The following IL16 variants were observed in gnomAD, a reference collection of about 807,000 sequenced individuals.
IL16 encodes interleukin 16.
In IL16, 67 loss-of-function variants were observed where a neutral mutation model predicts 110.1. The ratio of observed to expected loss-of-function variants is 0.61; its 90% CI spans 0.50 to 0.75. The LOEUF is 0.75. IL16 is among the 30% of genes least tolerant of loss of function. The probability of loss-of-function intolerance (pLI) is 0.00; values close to 1 mark genes in which losing one functional copy is unlikely to be tolerated. For missense variants in IL16, 1,545 were observed against 1,655.0 expected (o/e 0.93, Z 1.15); for synonymous variants, 689 against 662.9 (o/e 1.04, Z -0.61).
In IL16 at chr15:81,311,930, C is replaced by A. The variant is rs1329085887; in HGVS notation, c.*3132C>A. 1.3e-5 allele frequency: 2 copies of A among 152,184 alleles called. No individual in the cohort carries two copies. The highest frequency in any genetic ancestry group is 3.8e-4 in the East Asian group (2 of 5,196). 9.4% of individuals were successfully genotyped at this position (152,184 alleles called of 1,614,324 possible). ...GCTGTCATGTTTTAAAGCTTGCTCA[C>A]ATCTTGGCACATTTAAGAGACAGTC... is the stretch of plus-strand genomic sequence containing the variant. On this transcript the variant is annotated 3_prime_UTR_variant, in exon 19 of 19. Transcript: ENST00000683961.
At chr15:81,249,626 G>A (rs1220469535) in intron 2 of IL16, among the ~76,000 whole-genome samples, 1 of 151,942 alleles carries the variant, frequency 6.6e-6, no homozygotes, top group East Asian at 1.9e-4. Context: ...TCTTCTATAT[G>A]TTTTAGTGTT....
intron 1 of IL16, among the ~76,000 whole-genome samples, chr15:81,185,466 C>T (rs1410601748): frequency 1.3e-5 from 2 of 151,624 alleles, no homozygotes; most frequent in Non-Finnish European, 2.9e-5. Context: ...AGTAGTTCTC[C>T]CACCTCACCC....
intron 1 of IL16, among the ~76,000 whole-genome samples, chr15:81,212,750 G>A (rs1422122076): frequency 6.6e-6 from 1 of 152,136 alleles, no homozygotes; most frequent in East Asian, 1.9e-4. Context: ...AGGATTACAG[G>A]CATGAGCCAC....
chr15:81,263,358 T>TG (rs950091870), intron 3 of IL16, among the ~76,000 whole-genome samples: 2 of 145,774 alleles, frequency 1.4e-5, no homozygotes, highest in African/African-American at 5.4e-5. Context: ...TTTTTTTTGT[T>TG]TTTTTTTTTT....
rs565192328 is a variant in IL16, at chr15:81,225,435, A to T, written c.36A>T (p.Lys12Asn). The T allele has an allele frequency of 3.4e-5, 55 of 1,614,166 alleles. No homozygotes were observed. In the African/African-American group the frequency reaches 6.7e-4, roughly 20 times the overall value. Residue 12 changes from lysine (K) to asparagine (N), a missense_variant, in exon 2 of 19, where the codon AAA (lysine) becomes AAT (asparagine). This residue lies in a region of IL16 where 1,185 missense variants were observed against 1,238.8 expected (regional missense o/e 0.96). Transcript: ENST00000683961. ...ESHSRAGKSRKSAKFRSISRS... is the reference protein window; with the variant it reads ...ESHSRAGKSRNSAKFRSISRS... ...ACAGCCGCGCTGGAAAGAGCAGAAA[A>T]TCTGCAAAATTTCGGTCCATCTCCA...
Position 81,310,448 on chromosome 15 carries a change from T to C in IL16, c.*1650T>C, listed in dbSNP as rs890775863. On this transcript the variant is annotated 3_prime_UTR_variant, in exon 19 of 19. Transcript: ENST00000683961. ...GTTTCTGTCCTGCTGGTTAACTTGTTTGGCCTATTCCATTCTGGATTTTGT... is the reference window on the plus strand; with the variant it reads ...GTTTCTGTCCTGCTGGTTAACTTGTCTGGCCTATTCCATTCTGGATTTTGT... 1 of 152,206 alleles carries C rather than the reference T, an allele frequency of 6.6e-6. No homozygotes were observed. The highest frequency in any genetic ancestry group is 2.4e-5 in the African/African-American group (1 of 41,438). The allele number at this position is 152,206 out of a possible 1,614,324, so 9.4% of individuals were successfully genotyped here.
chr15:81,195,826 G>A (rs1207356320), upstream of IL16, among the ~76,000 whole-genome samples: 2 of 152,204 alleles, frequency 1.3e-5, no homozygotes, highest in Admixed American at 6.5e-5. Flanking sequence ...GATGCTCTTT[G>A]CGGGGCAGAT....
At chr15:81,305,817 T>C in intron 16 of IL16, 91 bp from the exon 17 acceptor site, 2 of 1,480,858 alleles carry the variant, frequency 1.4e-6, no homozygotes, top group Non-Finnish European at 1.8e-6. Flanking sequence ...AAAAATCCTC[T>C]AGCATTGACT....
At chr15:81,233,840 A>G (rs907411360) in intron 2 of IL16, among the ~76,000 whole-genome samples, 1 of 151,976 alleles carries the variant, frequency 6.6e-6, no homozygotes, top group African/African-American at 2.4e-5. Flanking sequence ...AACTTTATCA[A>G]TTCCAGCTCT....
At chr15:81,300,958 G>T (rs572824428) in intron 14 of IL16, among the ~76,000 whole-genome samples, 2 of 152,328 alleles carry the variant, frequency 1.3e-5, no homozygotes, top group Non-Finnish European at 2.9e-5. Flanking sequence ...CCTAGTCTCA[G>T]CTTAGGCACT....
At chr15:81,228,346 A>C (rs1443526679) in intron 2 of IL16, among the ~76,000 whole-genome samples, 1 of 141,054 alleles carries the variant, frequency 7.1e-6, no homozygotes, top group Non-Finnish European at 1.5e-5. Context: ...TTTGAGACGG[A>C]GTCTCGCTCT....
At chr15:81,247,536 T>C (rs1897608319) in intron 2 of IL16, among the ~76,000 whole-genome samples, 1 of 152,218 alleles carries the variant, frequency 6.6e-6, no homozygotes, top group Admixed American at 6.5e-5. Flanking sequence ...CACAAGAAGT[T>C]GCAAAGATAG....
chr15:81,260,422 T>C (rs1898109116), intron 3 of IL16, among the ~76,000 whole-genome samples: 1 of 152,220 alleles, frequency 6.6e-6, no homozygotes, highest in Non-Finnish European at 1.5e-5. Flanking sequence ...TATATATAAC[T>C]ATTTCAGGTC....
At chr15:81,270,574 A>G (rs1009600726) in intron 5 of IL16, among the ~76,000 whole-genome samples, 4 of 152,188 alleles carry the variant, frequency 2.6e-5, no homozygotes, top group Non-Finnish European at 5.9e-5. Flanking sequence ...ATCACAAGGG[A>G]GTAACTGTCT....
upstream of IL16, among the ~76,000 whole-genome samples, chr15:81,194,968 T>A (rs905751860): frequency 6.6e-6 from 1 of 152,032 alleles, no homozygotes; most frequent in Non-Finnish European, 1.5e-5. Flanking sequence ...TTCCTCCCCG[T>A]CTCTTCTGGC....
chr15:81,198,881 G>T (rs909787584), intron 1 of IL16, among the ~76,000 whole-genome samples: 6 of 150,276 alleles, frequency 4.0e-5, no homozygotes, highest in African/African-American at 1.5e-4. Context: ...TTAGCCAGGC[G>T]TGGAGGCACA....
intron 9 of IL16, 38 bp downstream of exon 9, chr15:81,282,794 T>G: frequency 7.4e-7 from 1 of 1,359,920 alleles, no homozygotes; most frequent in South Asian, 1.2e-5. Context: ...TACCCCCGAC[T>G]TACAACCAGG....
rs139561765 is a variant in IL16 at position 81,300,148 on chromosome 15, T to G, written c.2822T>G (p.Leu941Arg). The G allele has an allele frequency of 4.4e-5, 71 of 1,613,246 alleles. No homozygotes were observed. The African/African-American group carries it at 8.8e-4, about 20-fold the overall frequency. The change falls in exon 14 of 19, where the codon CTC becomes CGC. Residue 941 changes from leucine (L) to arginine (R), a missense_variant. Physicochemically the swap from Leu to Arg is moderately radical, Grantham distance 102. Transcript: ENST00000683961. ...ACTCTCCCCCCTGGCCCGGACCCGC[T>G]CCTAAGGCTGCTGTCAACACAGGCT... ...QKTLPPGPDP[L>R]LRLLSTQAEE...
upstream of IL16, among the ~76,000 whole-genome samples, chr15:81,193,696 C>T (rs1895534430): frequency 6.6e-6 from 1 of 152,056 alleles, no homozygotes; most frequent in East Asian, 1.9e-4. Flanking sequence ...AGCCGGGGAG[C>T]GGGAATCAAG....
Sources: allele counts gnomAD v4.1 joint callset (sites outside exome capture counted in the v4.1 genomes callset), GRCh38; gene constraint gnomAD v4.1.1; regional missense constraint gnomAD v4.1.1; transcripts MANE v1.5; gene names NCBI Gene and HGNC (gene_info 2026-07-23, HGNC 2026-07-21).